The following BCKDHB variants were observed in gnomAD, a reference collection of about 807,000 sequenced individuals.
BCKDHB encodes the protein branched chain keto acid dehydrogenase E1 subunit beta.
Under a neutral mutation model 48.5 loss-of-function variants are expected in BCKDHB, and 41 were observed. The observed-to-expected ratio is 0.85, with a 90% CI of 0.66 to 1.10. The LOEUF (loss-of-function observed/expected upper bound fraction) is 1.10, where lower values mean the gene tolerates loss of function less well. BCKDHB is among the 50% of genes least tolerant of loss of function. The probability of loss-of-function intolerance (pLI) is 0.00; values close to 1 mark genes in which losing one functional copy is unlikely to be tolerated. For synonymous variants in BCKDHB, 201 were observed against 174.8 expected, an observed-to-expected ratio of 1.15 and a Z score of -1.18; for missense variants, 496 against 494.2, an observed-to-expected ratio of 1.00 and a Z score of -0.03.
chr6:80,110,359 G>A (rs532413959), intron 1 of BCKDHB, among the ~76,000 whole-genome samples: 4 of 152,222 alleles, frequency 2.6e-5, no homozygotes, highest in South Asian at 2.1e-4. Context: ...TTGGACACTT[G>A]GTATCCCCTA....
At chr6:80,449,379 G>A in the BCKDHB span, among the ~76,000 whole-genome samples, 2 of 152,180 alleles carry the variant, frequency 1.3e-5, no homozygotes, top group South Asian at 2.1e-4. Flanking sequence ...ATAATAGACT[G>A]TGAGAAAGGA....
At chr6:80,384,652 T>G in the BCKDHB span, among the ~76,000 whole-genome samples, 1 of 152,150 alleles carries the variant, frequency 6.6e-6, no homozygotes. Flanking sequence ...CCGCCGTGCC[T>G]GGCCCAGTTC....
intron 3 of BCKDHB, among the ~76,000 whole-genome samples, chr6:80,144,810 T>G (rs1771398909): frequency 6.6e-6 from 1 of 152,168 alleles, no homozygotes; most frequent in Non-Finnish European, 1.5e-5. Context: ...TTTACCAGTC[T>G]GAGTGATCCT....
At chr6:80,391,402 GA>G in the BCKDHB span, among the ~76,000 whole-genome samples, 2 of 152,294 alleles carry the variant, frequency 1.3e-5, 1 homozygote, top group South Asian at 4.1e-4. Flanking sequence ...AGTCATGCAA[GA>G]GAGAGGCAGA....
intron 3 of BCKDHB, among the ~76,000 whole-genome samples, chr6:80,155,025 C>A (rs1025651801): frequency 6.6e-6 from 1 of 152,118 alleles, no homozygotes; most frequent in Non-Finnish European, 1.5e-5. Context: ...GTTAACAGTG[C>A]TATCTTGATA....
At chr6:80,445,186 T>A in the BCKDHB span, among the ~76,000 whole-genome samples, 6 of 152,310 alleles carry the variant, frequency 3.9e-5, no homozygotes, top group African/African-American at 1.2e-4. Context: ...GTTCACCCCT[T>A]TGCCTGGCAC....
At chr6:80,171,511 T>A (rs1440795713) in intron 6 of BCKDHB, 121 bp downstream of exon 6, 1 of 650,402 alleles carries the variant, frequency 1.5e-6, no homozygotes, top group Non-Finnish European at 2.5e-6. Flanking sequence ...AGAAAGAATC[T>A]TGATTTTTTT....
In BCKDHB at chr6:80,345,097, A is replaced by ATT; in HGVS notation, c.*1296_*1297dup. On this transcript the variant is annotated 3_prime_UTR_variant, in exon 10 of 10. Coordinates refer to ENST00000320393, the MANE Select transcript of BCKDHB (RefSeq NM_183050.4). Reference sequence around the variant, plus strand: ...TAATAAATGGTATTTATTCATCATGATTTTCTAAGTAATGCTTATCAGCCC... The same window carrying ATT: ...TAATAAATGGTATTTATTCATCATGATTTTTTCTAAGTAATGCTTATCAGCCC... The ATT allele has an allele frequency of 6.6e-6, 1 of 152,288 alleles. No homozygotes were observed. Among genetic ancestry groups the ATT allele is most frequent in the South Asian group, 2.1e-4 (1 of 4,828 alleles). The allele number at this position is 152,288 out of a possible 1,614,324, so 9.4% of individuals were successfully genotyped here.
At chr6:80,341,323 GTTTTCC>G (rs1769892198) in intron 9 of BCKDHB, among the ~76,000 whole-genome samples, 1 of 152,060 alleles carries the variant, frequency 6.6e-6, no homozygotes, top group Non-Finnish European at 1.5e-5. Flanking sequence ...TCACTTTACT[GTTTTCC>G]TTTATTTCAG....
the BCKDHB span, among the ~76,000 whole-genome samples, chr6:80,426,814 C>CTGTTAGA: frequency 6.6e-6 from 1 of 152,054 alleles, no homozygotes; most frequent in Non-Finnish European, 1.5e-5. Context: ...AGAGAGTATA[C>CTGTTAGA]TATAAATATC....
At chr6:80,267,453 G>C (rs143770110) in intron 8 of BCKDHB, among the ~76,000 whole-genome samples, 2 of 152,212 alleles carry the variant, frequency 1.3e-5, no homozygotes, top group Admixed American at 1.3e-4. Context: ...AAGCCCAGCT[G>C]GTTGCGGGGA....
intron 3 of BCKDHB, among the ~76,000 whole-genome samples, chr6:80,144,753 T>C (rs10080237): frequency 0.37 from 55,809 of 152,010 alleles, 12,249 homozygotes; most frequent in Admixed American, 0.56. Context: ...TCCCATTACA[T>C]TGAAAGATTT....
chr6:80,167,531 C>T (rs866617248), intron 3 of BCKDHB, 147 bp from the exon 4 acceptor site: 15 of 856,894 alleles, frequency 1.8e-5, no homozygotes, highest in Middle Eastern at 3.5e-4. Context: ...TGTGAGCCAC[C>T]GTGGCTAGCC....
At chr6:80,205,833 TGTAG>T (rs762156714) in intron 8 of BCKDHB, among the ~76,000 whole-genome samples, 1,843 of 134,924 alleles carry the variant, frequency 0.014, 15 homozygotes, top group South Asian at 0.025. Context: ...TGTGTGTGTG[TGTAG>T]GTGGATTGGC....
At chr6:80,239,210 C>G (rs1382835873) in intron 8 of BCKDHB, among the ~76,000 whole-genome samples, 1 of 152,164 alleles carries the variant, frequency 6.6e-6, no homozygotes, top group East Asian at 1.9e-4. Context: ...AGTTTACACT[C>G]CCACCAACAG....
At chr6:80,289,517 GC>G (rs1712796301) in intron 9 of BCKDHB, among the ~76,000 whole-genome samples, 1 of 152,052 alleles carries the variant, frequency 6.6e-6, no homozygotes, top group South Asian at 2.1e-4. Context: ...GAGAGAAAAT[GC>G]TCAGATTGGG....
chr6:80,421,103 G>A, the BCKDHB span, among the ~76,000 whole-genome samples: 1,036 of 152,198 alleles, frequency 6.8e-3, 6 homozygotes, highest in Non-Finnish European at 0.012. Context: ...GTTGAGGGAG[G>A]GACCTGGTGG....
At chr6:80,436,847 T>C in the BCKDHB span, among the ~76,000 whole-genome samples, 5 of 152,228 alleles carry the variant, frequency 3.3e-5, no homozygotes, top group Admixed American at 1.3e-4. Context: ...GAATATGTTT[T>C]CCTTTTAAGT....
At chr6:80,246,578 C>G (rs1473424342) in intron 8 of BCKDHB, among the ~76,000 whole-genome samples, 7 of 151,746 alleles carry the variant, frequency 4.6e-5, no homozygotes, top group Non-Finnish European at 8.9e-5. Flanking sequence ...TCACTGACAT[C>G]CTACTGAAAT....
Sources: gnomAD v4.1 joint callset for allele counts (sites outside exome capture counted in the v4.1 genomes callset) on GRCh38, gnomAD v4.1.1 for gene constraint, MANE v1.5 for transcripts, NCBI Gene and HGNC (gene_info 2026-07-23, HGNC 2026-07-21) for gene names.